The following B3GALT1 variants were observed in gnomAD, a reference collection of about 807,000 sequenced individuals.
The protein encoded by B3GALT1 is beta-1,3-galactosyltransferase 1, also known as UDP-Gal:betaGlcNAc beta 1,3-galactosyltransferase, polypeptide 1.
A neutral mutation model predicts 23.2 loss-of-function variants in B3GALT1; 10 were observed. That is an observed-to-expected ratio of 0.43 (90% confidence interval 0.27 to 0.73). The LOEUF (loss-of-function observed/expected upper bound fraction) is 0.73, where lower values mean the gene tolerates loss of function less well. B3GALT1 is among the 30% of genes least tolerant of loss of function. The pLI, the probability that B3GALT1 is intolerant of heterozygous loss-of-function variation, is 0.21. For synonymous variants in B3GALT1, 156 were observed against 141.5 expected, an observed-to-expected ratio of 1.10 and a Z score of -0.73; for missense variants, 299 against 405.4, an observed-to-expected ratio of 0.74 and a Z score of 2.25.
At chr2:167,679,138 CAG>C (rs1313815734) in intron 3 of B3GALT1, among the ~76,000 whole-genome samples, 2 of 146,766 alleles carry the variant, frequency 1.4e-5, no homozygotes, top group Admixed American at 6.9e-5. Flanking sequence ...TTTTTTGAGA[CAG>C]AGTTTCACTC....
intron 3 of B3GALT1, among the ~76,000 whole-genome samples, chr2:167,790,600 A>C (rs1011031335): frequency 6.6e-6 from 1 of 152,194 alleles, no homozygotes; most frequent in African/African-American, 2.4e-5. Context: ...ATTTCTCTGA[A>C]AGGTGAAAGA....
intron 1 of B3GALT1, among the ~76,000 whole-genome samples, chr2:167,326,844 A>G (rs1372972438): frequency 6.6e-6 from 1 of 151,876 alleles, no homozygotes; most frequent in African/African-American, 2.4e-5. Context: ...CATTCACCAC[A>G]ACACCCGGCT....
chr2:167,442,650 T>C (rs1319538169), intron 1 of B3GALT1, among the ~76,000 whole-genome samples: 2 of 151,122 alleles, frequency 1.3e-5, no homozygotes, highest in Admixed American at 1.3e-4. Context: ...CATTTTTTCA[T>C]GTGTTTTTTG....
chr2:167,450,398 C>T (rs1056648148), intron 1 of B3GALT1, among the ~76,000 whole-genome samples: 4 of 151,996 alleles, frequency 2.6e-5, no homozygotes, highest in Non-Finnish European at 5.9e-5. Flanking sequence ...TAATAGTAGC[C>T]TTGAATGATC....
chr2:167,792,509 G>T (rs1465802773), intron 3 of B3GALT1, among the ~76,000 whole-genome samples: 2 of 152,192 alleles, frequency 1.3e-5, no homozygotes, highest in Admixed American at 6.5e-5. Context: ...GTAGCATACA[G>T]GGAACTTCTT....
At chr2:167,822,784 C>T (rs374124375) in intron 4 of B3GALT1, among the ~76,000 whole-genome samples, 1 of 152,186 alleles carries the variant, frequency 6.6e-6, no homozygotes, top group Non-Finnish European at 1.5e-5. Context: ...TTTCAGATGT[C>T]CACAGTGAAA....
intron 1 of B3GALT1, among the ~76,000 whole-genome samples, chr2:167,443,333 G>T (rs1490044497): frequency 6.6e-6 from 1 of 152,098 alleles, no homozygotes; most frequent in Admixed American, 6.6e-5. Context: ...TGTTCTTTTG[G>T]CTTAGGATTG....
At chr2:167,742,294 G>A (rs1687588440) in intron 3 of B3GALT1, among the ~76,000 whole-genome samples, 1 of 152,158 alleles carries the variant, frequency 6.6e-6, no homozygotes, top group South Asian at 2.1e-4. Flanking sequence ...CCTGATGGAT[G>A]CAGAGTACAC....
chr2:167,517,418 T>TA (rs979661198), intron 2 of B3GALT1, among the ~76,000 whole-genome samples: 49 of 151,866 alleles, frequency 3.2e-4, no homozygotes, highest in African/African-American at 5.8e-4. Context: ...AAGAAGGAGT[T>TA]AAAAAAAATA....
intron 1 of B3GALT1, among the ~76,000 whole-genome samples, chr2:167,405,828 C>T (rs1698264983): frequency 6.6e-6 from 1 of 152,030 alleles, no homozygotes; most frequent in South Asian, 2.1e-4. Flanking sequence ...ACAAATCCAA[C>T]TATTATCCAG....
intron 2 of B3GALT1, among the ~76,000 whole-genome samples, chr2:167,628,530 C>G (rs925161509): frequency 1.3e-5 from 2 of 151,698 alleles, no homozygotes; most frequent in African/African-American, 4.8e-5. Flanking sequence ...TCACCTTGAT[C>G]CTCAGCCACC....
chr2:167,540,278 A>G (rs866203965), intron 2 of B3GALT1, among the ~76,000 whole-genome samples: 2 of 152,204 alleles, frequency 1.3e-5, no homozygotes, highest in South Asian at 2.1e-4. Context: ...ACTCCAAACT[A>G]TAGTGCCCTG....
At chr2:167,792,679 A>G (rs1051095184) in intron 3 of B3GALT1, among the ~76,000 whole-genome samples, 1 of 152,146 alleles carries the variant, frequency 6.6e-6, no homozygotes, top group African/African-American at 2.4e-5. Flanking sequence ...ACAGTAAGAC[A>G]CTGTTAAGGA....
chr2:167,645,977 G>A (rs1685742834), intron 2 of B3GALT1, among the ~76,000 whole-genome samples: 1 of 152,132 alleles, frequency 6.6e-6, no homozygotes, highest in South Asian at 2.1e-4. Flanking sequence ...AAATGGAAAT[G>A]CAGAAGTGAC....
intron 3 of B3GALT1, among the ~76,000 whole-genome samples, chr2:167,686,411 G>C (rs541652297): frequency 1.5e-3 from 228 of 152,212 alleles, no homozygotes; most frequent in East Asian, 5.0e-3. Flanking sequence ...ATTCATTCAC[G>C]TGTATTTTTA....
chr2:167,525,568 T>C (rs1175943698), intron 2 of B3GALT1, among the ~76,000 whole-genome samples: 1 of 152,064 alleles, frequency 6.6e-6, no homozygotes, highest in Non-Finnish European at 1.5e-5. Flanking sequence ...AACACTCTGC[T>C]GTTTATTTTG....
At chr2:167,690,995 A>G (rs1686702683) in intron 3 of B3GALT1, among the ~76,000 whole-genome samples, 1 of 152,176 alleles carries the variant, frequency 6.6e-6, no homozygotes, top group African/African-American at 2.4e-5. Flanking sequence ...ACGGGAAATA[A>G]CAATAAGAAT....
chr2:167,442,732 T>C (rs564524301), intron 1 of B3GALT1, among the ~76,000 whole-genome samples: 27 of 148,360 alleles, frequency 1.8e-4, no homozygotes, highest in Non-Finnish European at 3.4e-4. Context: ...GGTTGTTTTT[T>C]TCTTGTAAAT....
chr2:167,625,607 A>C (rs1229360439), intron 2 of B3GALT1, among the ~76,000 whole-genome samples: 1 of 151,730 alleles, frequency 6.6e-6, no homozygotes, highest in Non-Finnish European at 1.5e-5. Context: ...AAATCCGCTA[A>C]TATCCAATTA....
Sources: gnomAD v4.1 joint callset for allele counts (sites outside exome capture counted in the v4.1 genomes callset) on GRCh38, gnomAD v4.1.1 for gene constraint, MANE v1.5 for transcripts, NCBI Gene and HGNC (gene_info 2026-07-23, HGNC 2026-07-21) for gene names.